The following LRRFIP2 variants were observed in gnomAD, a reference collection of about 807,000 sequenced individuals.
LRRFIP2 encodes LRR binding FLII interacting protein 2, also known as leucine-rich repeat flightless-interacting protein 2.
A neutral mutation model predicts 125.9 loss-of-function variants in LRRFIP2; 109 were observed. That is an observed-to-expected ratio of 0.87 (90% confidence interval 0.74 to 1.01). The LOEUF (loss-of-function observed/expected upper bound fraction) is 1.01, where lower values mean the gene tolerates loss of function less well. Ranked by LOEUF, LRRFIP2 falls within the 50% of genes least tolerant of loss-of-function variation. The pLI is 0.00. For synonymous variants in LRRFIP2, 291 were observed against 293.1 expected, an observed-to-expected ratio of 0.99 and a Z score of 0.07; for missense variants, 850 against 862.3, an observed-to-expected ratio of 0.99 and a Z score of 0.18.
At chr3:37,126,868 AAAAGAAAGAAAG>A (rs556976086) in intron 4 of LRRFIP2, among the ~76,000 whole-genome samples, 1 of 147,220 alleles carries the variant, frequency 6.8e-6, no homozygotes, top group East Asian at 2.0e-4. Flanking sequence ...TCAAAAAAAA[AAAAGAAAGAAAG>A]AAAGAAAGAA....
intron 16 of LRRFIP2, among the ~76,000 whole-genome samples, chr3:37,095,821 A>G (rs933835738): frequency 1.1e-4 from 17 of 151,906 alleles, no homozygotes; most frequent in Admixed American, 4.6e-4. Flanking sequence ...TTTTTTTTGC[A>G]TTTTTAGCAG....
chr3:37,161,550 C>T, intron 1 of LRRFIP2, among the ~76,000 whole-genome samples: 1 of 151,880 alleles, frequency 6.6e-6, no homozygotes, highest in Non-Finnish European at 1.5e-5. Context: ...TCCACAAAGT[C>T]TCGGGTAAAG....
intron 21 of LRRFIP2, chr3:37,068,873 T>C (rs1285865101): frequency 2.0e-5 from 3 of 152,170 alleles, no homozygotes; most frequent in Non-Finnish European, 4.4e-5. Flanking sequence ...ACGCACCTAT[T>C]CTATACATGG....
chr3:37,109,575 A>T lies in LRRFIP2; in HGVS notation c.565-4T>A. On this transcript the variant is annotated splice_polypyrimidine_tract_variant and splice_region_variant and intron_variant, in intron 10 of 27. Coordinates refer to ENST00000336686, the MANE Select transcript of LRRFIP2 (RefSeq NM_006309.4). Reference sequence around the variant, plus strand: ...CAGAATTTGCAGTAGGAGAGGCCTAAGAAAAAAGTGTATTATTAAACCCCA... The same window carrying T: ...CAGAATTTGCAGTAGGAGAGGCCTATGAAAAAAGTGTATTATTAAACCCCA... 1 of 1,614,100 alleles carries T rather than the reference A, an allele frequency of 6.2e-7. No homozygotes were observed.
chr3:37,078,405 T>C (rs1345223319), intron 19 of LRRFIP2, among the ~76,000 whole-genome samples: 2 of 152,200 alleles, frequency 1.3e-5, no homozygotes, highest in Non-Finnish European at 2.9e-5. Context: ...AATGTTGGTA[T>C]TGCTATTCTA....
chr3:37,121,620 T>C lies in LRRFIP2; in HGVS notation c.285+15A>G, dbSNP rs1559940247. 3.1e-6 allele frequency: 5 copies of C among 1,613,952 alleles called. No homozygotes were observed. Among genetic ancestry groups the C allele is most frequent in the Non-Finnish European group, 4.2e-6 (5 of 1,179,938 alleles). ...AGGAAAAGTATTAGAGGCAAGTGTA[T>C]AGGTTATTACAAACCAGATAAGGAC... On this transcript the variant is annotated intron_variant, in intron 5 of 27. Transcript: ENST00000336686.
intron 19 of LRRFIP2, among the ~76,000 whole-genome samples, chr3:37,082,268 T>C (rs2149034795): frequency 6.6e-6 from 1 of 152,308 alleles, no homozygotes; most frequent in East Asian, 1.9e-4. Context: ...TATACATATC[T>C]AGCATATATA....
At chr3:37,160,570 A>G (rs2096310488) in intron 1 of LRRFIP2, among the ~76,000 whole-genome samples, 1 of 152,132 alleles carries the variant, frequency 6.6e-6, no homozygotes. Context: ...ACCTGAGGTC[A>G]GGAGTTCAAG....
At chr3:37,105,052 A>T (rs545775737) in intron 14 of LRRFIP2, among the ~76,000 whole-genome samples, 2 of 152,330 alleles carry the variant, frequency 1.3e-5, no homozygotes, top group Admixed American at 1.3e-4. Flanking sequence ...AAATCTAAAT[A>T]CAACAATATA....
upstream of LRRFIP2, chr3:37,174,937 G>A (rs2096637020): frequency 6.6e-6 from 1 of 152,070 alleles, no homozygotes; most frequent in Non-Finnish European, 1.5e-5. Flanking sequence ...ATAATACTAG[G>A]TCATTATCTC....
chr3:37,121,882 G>A (rs1358159430), intron 4 of LRRFIP2, among the ~76,000 whole-genome samples, 191 bp from the exon 5 acceptor site: 1 of 117,108 alleles, frequency 8.5e-6, no homozygotes, highest in Admixed American at 9.0e-5. Flanking sequence ...GTGTGTGTGT[G>A]TGTGTAAGTT....
chr3:37,116,478 T>C (rs2094793061), intron 6 of LRRFIP2, among the ~76,000 whole-genome samples: 1 of 152,152 alleles, frequency 6.6e-6, no homozygotes, highest in Non-Finnish European at 1.5e-5. Flanking sequence ...GAGAAAATAT[T>C]AGAGGGTGTT....
At chr3:37,113,946 G>C (rs930465596) in intron 7 of LRRFIP2, among the ~76,000 whole-genome samples, 1 of 152,122 alleles carries the variant, frequency 6.6e-6, no homozygotes, top group Admixed American at 6.6e-5. Flanking sequence ...TAGGTAAATT[G>C]GTAGATAAGA....
rs2091859649 is a variant in LRRFIP2 at position 37,075,220 on chromosome 3, C to T, written c.1279-104G>A. The T allele has an allele frequency of 4.9e-6, 3 of 616,196 alleles. No homozygotes were observed. The South Asian group carries it at 8.1e-5, about 17-fold the overall frequency. The allele number at this position is 616,196 out of a possible 1,614,324, so 38.2% of individuals were successfully genotyped here. A position where few individuals can be genotyped will look rare whatever the true frequency, so the allele number is the denominator to read the frequency against. On this transcript the variant is annotated intron_variant, in intron 19 of 27. Transcript: ENST00000336686. ...TTAAGTATGACCTCCAGAAACATGC[C>T]CAAACTCCTGATTCATAGTAACTTA...
intron 1 of LRRFIP2, among the ~76,000 whole-genome samples, chr3:37,162,104 C>G (rs1313477846): frequency 8.1e-6 from 1 of 123,080 alleles, no homozygotes; most frequent in East Asian, 2.6e-4. Flanking sequence ...TGTAGTGAGT[C>G]ATGTTGATGC....
intron 1 of LRRFIP2, among the ~76,000 whole-genome samples, chr3:37,162,180 A>C: frequency 7.0e-6 from 1 of 143,804 alleles, no homozygotes; most frequent in East Asian, 2.0e-4. Context: ...AAAAAAAAGA[A>C]GAGAGAGAGA....
intron 17 of LRRFIP2, 43 bp downstream of exon 17, chr3:37,094,749 C>T: frequency 7.6e-7 from 1 of 1,323,830 alleles, no homozygotes; most frequent in Non-Finnish European, 1.1e-6. Flanking sequence ...ATTACCAAGT[C>T]AAAAAACTGC....
intron 27 of LRRFIP2, 91 bp from the exon 28 acceptor site, chr3:37,054,052 G>T: frequency 1.2e-6 from 1 of 827,142 alleles, no homozygotes; most frequent in Non-Finnish European, 2.1e-6. Flanking sequence ...TGAAAGCACT[G>T]CTAACTGTGA....
At chr3:37,151,245 G>A (rs1489533930) in intron 1 of LRRFIP2, among the ~76,000 whole-genome samples, 1 of 152,048 alleles carries the variant, frequency 6.6e-6, no homozygotes, top group Non-Finnish European at 1.5e-5. Context: ...TGTAATCCCA[G>A]GTACTCGGGA....
Sources: allele counts gnomAD v4.1 joint callset (sites outside exome capture counted in the v4.1 genomes callset), GRCh38; gene constraint gnomAD v4.1.1; transcripts MANE v1.5; gene names NCBI Gene and HGNC (gene_info 2026-07-23, HGNC 2026-07-21).